TBC1D5: variants seen among roughly 807,000 people sequenced by gnomAD.
TBC1D5 encodes the protein TBC1 domain family, member 5.
Under a neutral mutation model 100.3 loss-of-function variants are expected in TBC1D5, and 75 were observed. That is an observed-to-expected ratio of 0.75 (90% CI 0.62 to 0.91). TBC1D5 has a LOEUF of 0.91. TBC1D5 is among the 40% of genes least tolerant of loss of function. The pLI is 0.00. For missense variants in TBC1D5, 910 were observed against 942.4 expected, an observed-to-expected ratio of 0.97 and a Z score of 0.45; for synonymous variants, 323 against 325.6, an observed-to-expected ratio of 0.99 and a Z score of 0.09.
intron 15 of TBC1D5, among the ~76,000 whole-genome samples, chr3:17,274,813 A>C (rs2079811544): frequency 6.6e-6 from 1 of 152,236 alleles, no homozygotes; most frequent in African/African-American, 2.4e-5. Context: ...CCTCAAGAAA[A>C]GTCCAGAAAG....
intron 2 of TBC1D5, among the ~76,000 whole-genome samples, chr3:17,516,290 T>G (rs1376998173): frequency 6.6e-6 from 1 of 152,044 alleles, no homozygotes; most frequent in Non-Finnish European, 1.5e-5. Context: ...TTAGAATAAG[T>G]TTTTTTTAAT....
At chr3:17,557,455 C>T (rs1187786270) in intron 2 of TBC1D5, among the ~76,000 whole-genome samples, 2 of 152,346 alleles carry the variant, frequency 1.3e-5, no homozygotes, top group African/African-American at 4.8e-5. Flanking sequence ...TGGCTGCTAA[C>T]AAGCATTAAA....
intron 17 of TBC1D5, 97 bp downstream of exon 18, chr3:17,233,588 T>C (rs113993660): frequency 2.2e-4 from 154 of 684,680 alleles, no homozygotes; most frequent in Admixed American, 5.9e-4. Flanking sequence ...ACAGTATGAA[T>C]GGAGGGTGGG....
intron 16 of TBC1D5, among the ~76,000 whole-genome samples, chr3:17,244,415 G>A (rs1213302385): frequency 2.0e-5 from 3 of 152,146 alleles, no homozygotes; most frequent in Non-Finnish European, 4.4e-5. Context: ...CCAAATGAAG[G>A]TGCCTATTTT....
At chr3:17,657,076 G>A (rs764257407) in intron 1 of TBC1D5, among the ~76,000 whole-genome samples, 6 of 151,964 alleles carry the variant, frequency 3.9e-5, no homozygotes, top group Non-Finnish European at 7.4e-5. Flanking sequence ...AAAAAGGCCC[G>A]AATTTGAACC....
intron 13 of TBC1D5, among the ~76,000 whole-genome samples, chr3:17,317,355 A>T (rs1352506428): frequency 1.3e-5 from 2 of 152,206 alleles, no homozygotes; most frequent in Non-Finnish European, 2.9e-5. Flanking sequence ...AGGGAGAGAC[A>T]GGGAGGGAAA....
At chr3:17,305,509 T>C (rs1377186681) in intron 14 of TBC1D5, among the ~76,000 whole-genome samples, 1 of 152,216 alleles carries the variant, frequency 6.6e-6, no homozygotes, top group Non-Finnish European at 1.5e-5. Context: ...TCTGTGGTGA[T>C]GGTTTTAACA....
chr3:17,509,171 A>T (rs2095874717), intron 2 of TBC1D5, among the ~76,000 whole-genome samples: 1 of 150,792 alleles, frequency 6.6e-6, no homozygotes, highest in South Asian at 2.1e-4. Context: ...TCCCCAGTTT[A>T]AAGAAAAAAA....
At chr3:17,399,363 G>A (rs987474543) in intron 8 of TBC1D5, among the ~76,000 whole-genome samples, 2 of 152,026 alleles carry the variant, frequency 1.3e-5, no homozygotes, top group African/African-American at 4.8e-5. Flanking sequence ...TGGGCAGGAG[G>A]TAAAAAGGAT....
chr3:17,223,915 C>A (rs146162884), intron 17 of TBC1D5, among the ~76,000 whole-genome samples: 5,315 of 151,450 alleles, frequency 0.035, 314 homozygotes, highest in African/African-American at 0.12. Flanking sequence ...CAAAACAAAA[C>A]AAAACAAAAC....
intron 13 of TBC1D5, among the ~76,000 whole-genome samples, chr3:17,355,477 C>T (rs2091127367): frequency 6.6e-6 from 1 of 152,060 alleles, no homozygotes; most frequent in Admixed American, 6.6e-5. Flanking sequence ...GCCTGGATTT[C>T]CTCTTTAGGT....
intron 18 of TBC1D5, among the ~76,000 whole-genome samples, chr3:17,203,619 T>A (rs1178488915): frequency 6.6e-6 from 1 of 152,144 alleles, no homozygotes; most frequent in Non-Finnish European, 1.5e-5. Flanking sequence ...GATCATGAGG[T>A]GGATTTCCCC....
intron 3 of TBC1D5, among the ~76,000 whole-genome samples, chr3:17,461,046 C>A (rs1172615705): frequency 1.3e-5 from 2 of 152,156 alleles, no homozygotes; most frequent in African/African-American, 4.8e-5. Context: ...ATATGCAAAT[C>A]AGGTAACTAT....
At chr3:17,641,192 G>A (rs1288173430) in intron 1 of TBC1D5, among the ~76,000 whole-genome samples, 2 of 152,044 alleles carry the variant, frequency 1.3e-5, no homozygotes, top group African/African-American at 2.4e-5. Flanking sequence ...TAGGACACCA[G>A]GGGTCCTATG....
intron 1 of TBC1D5, among the ~76,000 whole-genome samples, chr3:17,700,373 A>T (rs2072966312): frequency 6.6e-6 from 1 of 152,140 alleles, no homozygotes; most frequent in Non-Finnish European, 1.5e-5. Context: ...AACCATAAAA[A>T]CCCTAGAAGA....
intron 13 of TBC1D5, among the ~76,000 whole-genome samples, chr3:17,333,585 C>A (rs1325334991): frequency 6.6e-6 from 1 of 152,124 alleles, no homozygotes; most frequent in Non-Finnish European, 1.5e-5. Context: ...AGATCCAATG[C>A]TTAAGCAGAG....
intron 2 of TBC1D5, among the ~76,000 whole-genome samples, chr3:17,512,046 G>A (rs1304326647): frequency 1.3e-5 from 2 of 151,766 alleles, no homozygotes; most frequent in Non-Finnish European, 2.9e-5. Context: ...AGCTATTTTA[G>A]CTCTCTTGAA....
At chr3:17,164,828 T>C in intron 21 of TBC1D5, among the ~76,000 whole-genome samples, 1 of 152,234 alleles carries the variant, frequency 6.6e-6, no homozygotes. Context: ...CTTGCTTGAA[T>C]TCAGGAATTC....
At chr3:17,293,401 T>C (rs2081951370) in intron 14 of TBC1D5, among the ~76,000 whole-genome samples, 1 of 152,214 alleles carries the variant, frequency 6.6e-6, no homozygotes, top group Non-Finnish European at 1.5e-5. Context: ...GAAAGAATTC[T>C]TATATATTTT....
Sources: allele counts gnomAD v4.1 joint callset (sites outside exome capture counted in the v4.1 genomes callset), GRCh38; gene constraint gnomAD v4.1.1; transcripts MANE v1.5; gene names NCBI Gene and HGNC (gene_info 2026-07-23, HGNC 2026-07-21).